Variants in ITCH observed in about 807,000 individuals in gnomAD.
ITCH encodes the protein E3 ubiquitin-protein ligase Itchy homolog.
Under a neutral mutation model 126.8 loss-of-function variants are expected in ITCH, and 28 were observed. The ratio of observed to expected loss-of-function variants is 0.22; its 90% CI spans 0.16 to 0.30. The LOEUF is 0.30. Ranked by LOEUF, ITCH falls within the 10% of genes least tolerant of loss-of-function variation. ITCH has a pLI of 1.00. For missense variants in ITCH, 631 were observed against 1,032.4 expected, an observed-to-expected ratio of 0.61 and a Z score of 5.33; for synonymous variants, 342 against 340.0, an observed-to-expected ratio of 1.01 and a Z score of -0.06.
rs181097123 is a variant in ITCH at position 34,485,335 on chromosome 20, T to A, written c.2094-3931T>A. On this transcript the variant is annotated intron_variant, in intron 20 of 24. Coordinates refer to ENST00000374864, the MANE Select transcript of ITCH (RefSeq NM_031483.7). ...GAAATCGCTGGGAAGGTGTTTGACTTTATTAGAAACTGCCAGTTTCCCAAA... is the reference window on the plus strand; with the variant it reads ...GAAATCGCTGGGAAGGTGTTTGACTATATTAGAAACTGCCAGTTTCCCAAA... Among the ~76,000 whole-genome samples, 12 of 152,310 alleles carry A rather than the reference T, an allele frequency of 7.9e-5. No homozygotes were observed. In the East Asian group the frequency reaches 2.1e-3, roughly 27 times the overall value.
At chr20:34,498,477 A>G (rs1367137839) in intron 23 of ITCH, among the ~76,000 whole-genome samples, 2 of 152,204 alleles carry the variant, frequency 1.3e-5, no homozygotes, top group African/African-American at 4.8e-5. Flanking sequence ...TGTAATATAT[A>G]GCCTTTATTA....
At position 34,405,847 on chromosome 20, in the gene ITCH, C is replaced by T. The variant is rs2039041095; in HGVS notation, c.71-2804C>T. ...CTGTGTTGTCCAGGCTGGTCTTAAA[C>T]TCCTGGGCTCAAGTGATCCTCCCGC... On this transcript the variant is annotated intron_variant, in intron 3 of 24. Transcript: ENST00000374864. Among the ~76,000 whole-genome samples the T allele has an allele frequency of 2.0e-5, 3 of 151,620 alleles. No homozygotes were observed. In the South Asian group the frequency reaches 6.2e-4, roughly 32 times the overall value.
chr20:34,508,922 A>C lies in ITCH; in HGVS notation c.*1128A>C, dbSNP rs904989335. 2.0e-5 allele frequency: 3 copies of C among 152,126 alleles called. No individual in the cohort carries two copies. Among genetic ancestry groups the C allele is most frequent in the Non-Finnish European group, 2.9e-5 (2 of 68,016 alleles). The allele number at this position is 152,126 out of a possible 1,614,324, so 9.4% of individuals were successfully genotyped here. On this transcript the variant is annotated 3_prime_UTR_variant, in exon 25 of 25. Coordinates refer to ENST00000374864, the MANE Select transcript of ITCH (RefSeq NM_031483.7). The stretch of plus-strand genomic sequence containing the variant: ...CATCAGATTTTCATTTGAGAGGGAG[A>C]GCTGTGGTACTGGCTAAAAAGAAAG...
In ITCH at chr20:34,504,411, C is replaced by T. The variant is rs765927651; in HGVS notation, c.2489+8C>T. 5 of 1,571,838 alleles carry T rather than the reference C, an allele frequency of 3.2e-6. No individual in the cohort carries two copies. In the Admixed American group the frequency reaches 6.7e-5, roughly 21 times the overall value. ...ACCCAGAAGTCATACCTGGTAAGTA[C>T]AATCAGAATGGATAGAGAAAACAGC... On this transcript the variant is annotated splice_region_variant and intron_variant, in intron 24 of 24. Coordinates refer to ENST00000374864, the MANE Select transcript of ITCH (RefSeq NM_031483.7).
chr20:34,363,969 C>A (rs927851950), intron 1 of ITCH, among the ~76,000 whole-genome samples: 2 of 152,190 alleles, frequency 1.3e-5, no homozygotes, highest in South Asian at 4.1e-4. Flanking sequence ...CTTTTGCAGA[C>A]GTGGAGCTGT....
chr20:34,469,856 T>G (rs1987453711), intron 14 of ITCH, among the ~76,000 whole-genome samples, 192 bp from the exon 15 acceptor site: 1 of 152,224 alleles, frequency 6.6e-6, no homozygotes, highest in Non-Finnish European at 1.5e-5. Context: ...GTTTTTTGTT[T>G]GTTTTTTCTG....
rs149442423 is a variant in ITCH at position 34,431,235 on chromosome 20, G to A, written c.521+6710G>A. 1.7e-3 allele frequency among the ~76,000 whole-genome samples: 262 copies of A among 152,186 alleles called. 2 individuals carry two copies. Among genetic ancestry groups the A allele is most frequent in the African/African-American group, 5.9e-3 (247 of 41,550 alleles). ...TTGAGACCAGCCTGAGGGACAAAGCGAGACCCCATCTCTACATAAAATAAA... is the reference window on the plus strand; with the variant it reads ...TTGAGACCAGCCTGAGGGACAAAGCAAGACCCCATCTCTACATAAAATAAA... On this transcript the variant is annotated intron_variant, in intron 7 of 24. Transcript: ENST00000374864.
At chr20:34,408,993 C>G (rs917199450) in intron 4 of ITCH, among the ~76,000 whole-genome samples, 2 of 150,426 alleles carry the variant, frequency 1.3e-5, no homozygotes, top group Non-Finnish European at 2.9e-5. Flanking sequence ...TAGTCACTCC[C>G]TTTCTTTACC....
chr20:34,371,014 A>G (rs902382861), intron 2 of ITCH, among the ~76,000 whole-genome samples: 4 of 151,560 alleles, frequency 2.6e-5, no homozygotes, highest in African/African-American at 9.7e-5. Context: ...TAAAAGTACA[A>G]AAAATTAGCC....
At chr20:34,473,502 C>G (rs6058054) in intron 16 of ITCH, among the ~76,000 whole-genome samples, 1 of 152,214 alleles carries the variant, frequency 6.6e-6, no homozygotes, top group Admixed American at 6.5e-5. Flanking sequence ...ACCTGTCAGC[C>G]TGCTCATTCC....
chr20:34,368,274 G>GA lies in ITCH; in HGVS notation c.-98-1105dup, dbSNP rs55954722. Among the ~76,000 whole-genome samples the GA allele has an allele frequency of 2.0e-3, 288 of 142,778 alleles. 2 individuals are homozygous for GA. Among genetic ancestry groups the GA allele is most frequent in the South Asian group, 2.2e-3 (10 of 4,568 alleles). 93.7% of individuals were successfully genotyped at this position (142,778 alleles called of 152,430 possible). ...ACAAGAATGAGACTCTGTCTCAAAA[G>GA]AAAAAAAAAAAAAAATTCGTGTTAG... On this transcript the variant is annotated intron_variant, in intron 1 of 24. Coordinates refer to ENST00000374864, the MANE Select transcript of ITCH (RefSeq NM_031483.7).
In ITCH at chr20:34,510,274, C is replaced by T. The variant is rs1024917300; in HGVS notation, c.*2480C>T. ...TTATATAAAAATACTGCAAATAGAC[C>T]GCAGACATAAATATCTACCAAATGC... is the stretch of plus-strand genomic sequence containing the variant. On this transcript the variant is annotated 3_prime_UTR_variant, in exon 25 of 25. Transcript: ENST00000374864. 6.6e-6 allele frequency: 1 copy of T among 152,330 alleles called. No individual in the cohort carries two copies. The highest frequency in any genetic ancestry group is 1.5e-5 in the Non-Finnish European group (1 of 68,000). 9.4% of individuals were successfully genotyped at this position (152,330 alleles called of 1,614,324 possible). A position where few individuals can be genotyped will look rare whatever the true frequency, so the allele number is the denominator to read the frequency against.
intron 2 of ITCH, among the ~76,000 whole-genome samples, chr20:34,385,593 A>G (rs1051628552): frequency 5.3e-5 from 8 of 152,118 alleles, no homozygotes; most frequent in Non-Finnish European, 1.0e-4. Context: ...AGGGGAAGAG[A>G]TCACCTTCTG....
At chr20:34,383,361 GAT>G (rs1491296600) in intron 2 of ITCH, among the ~76,000 whole-genome samples, 2 of 124,346 alleles carry the variant, frequency 1.6e-5, no homozygotes, top group African/African-American at 6.3e-5. Context: ...GGGCTTGATA[GAT>G]TTTTTTTTTT....
intron 20 of ITCH, among the ~76,000 whole-genome samples, chr20:34,483,494 G>C (rs951856146): frequency 2.6e-5 from 4 of 152,132 alleles, no homozygotes. Context: ...CCAGTCTCTA[G>C]CACAGGGGCA....
At chr20:34,459,560 CA>C (rs2146364193) in intron 13 of ITCH, among the ~76,000 whole-genome samples, 1 of 152,270 alleles carries the variant, frequency 6.6e-6, no homozygotes, top group African/African-American at 2.4e-5. Context: ...ACATCACTAC[CA>C]AGTTGCTGAG....
rs772934363 is a variant in ITCH at position 34,408,601 on chromosome 20, A to C, written c.71-50A>C. On this transcript the variant is annotated intron_variant, in intron 3 of 24. Coordinates refer to ENST00000374864, the MANE Select transcript of ITCH (RefSeq NM_031483.7). Reference sequence around the variant, plus strand: ...ATTATGAAGTTAAATTGATTTCATGAGTGAATTAACATCTCAACTATTGAA... The same window carrying C: ...ATTATGAAGTTAAATTGATTTCATGCGTGAATTAACATCTCAACTATTGAA... 5 of 1,505,254 alleles carry C rather than the reference A, an allele frequency of 3.3e-6. No homozygotes were observed. The South Asian group carries it at 3.4e-5, about 10-fold the overall frequency. 93.2% of individuals were successfully genotyped at this position (1,505,254 alleles called of 1,614,324 possible).
At chr20:34,402,133 T>G (rs2038908325) in intron 3 of ITCH, 1 of 986,732 alleles carries the variant, frequency 1.0e-6, no homozygotes, top group Admixed American at 1.7e-5. Flanking sequence ...CAGAAAGGGC[T>G]CTGGAGAGAT....
At chr20:34,443,146 G>A (rs1983982728) in intron 10 of ITCH, among the ~76,000 whole-genome samples, 1 of 151,966 alleles carries the variant, frequency 6.6e-6, no homozygotes, top group Non-Finnish European at 1.5e-5. Flanking sequence ...AACTATAATA[G>A]CAAAATCATT....
Sources: allele counts gnomAD v4.1 joint callset (sites outside exome capture counted in the v4.1 genomes callset), GRCh38; gene constraint gnomAD v4.1.1; transcripts MANE v1.5; gene names NCBI Gene and HGNC (gene_info 2026-07-23, HGNC 2026-07-21).